Variants in CAPN9 observed in about 807,000 individuals in gnomAD.
The protein encoded by CAPN9 is calpain-9.
CAPN9 carries 81 observed loss-of-function variants against 92.8 expected under a neutral mutation model. The observed-to-expected ratio is 0.87, with a 90% confidence interval of 0.73 to 1.05. The LOEUF (loss-of-function observed/expected upper bound fraction) is 1.05. CAPN9 is among the 50% of genes least tolerant of loss of function. The pLI, the probability that CAPN9 is intolerant of heterozygous loss-of-function variation, is 0.00. For synonymous variants in CAPN9, 304 were observed against 328.0 expected, an observed-to-expected ratio of 0.93 and a Z score of 0.79; for missense variants, 848 against 866.2, an observed-to-expected ratio of 0.98 and a Z score of 0.26.
intron 3 of CAPN9, among the ~76,000 whole-genome samples, chr1:230,760,621 C>T (rs1665570859): frequency 6.6e-6 from 1 of 152,200 alleles, no homozygotes; most frequent in African/African-American, 2.4e-5. Context: ...GGTCAGGCCT[C>T]CTGCGCCGGC....
intron 6 of CAPN9, among the ~76,000 whole-genome samples, chr1:230,770,570 T>C (rs1279037229): frequency 6.6e-6 from 1 of 152,048 alleles, no homozygotes; most frequent in Admixed American, 6.6e-5. Context: ...GTGGAACTGA[T>C]CCTGGGGGAC....
intron 2 of CAPN9, among the ~76,000 whole-genome samples, chr1:230,757,068 A>AAGGAAGGAAGGAAG (rs1572017103): frequency 2.8e-5 from 1 of 35,286 alleles, no homozygotes; most frequent in African/African-American, 6.7e-5. Flanking sequence ...AAGGAAGGAA[A>AAGGAAGGAAGGAAG]GGAGAAAATA....
At chr1:230,772,810 GA>G (rs1666479242) in intron 7 of CAPN9, among the ~76,000 whole-genome samples, 1 of 150,172 alleles carries the variant, frequency 6.7e-6, no homozygotes, top group East Asian at 2.0e-4. Context: ...ATCTATTACA[GA>G]GCTGTTAACC....
chr1:230,788,232 A>G (rs2102919033), intron 13 of CAPN9, among the ~76,000 whole-genome samples: 1 of 152,246 alleles, frequency 6.6e-6, no homozygotes, highest in African/African-American at 2.4e-5. Context: ...CACTGCCATT[A>G]GAATACTCTG....
In CAPN9 at chr1:230,801,743, G is replaced by T; in HGVS notation, c.*147G>T. 1 of 760,616 alleles carries T rather than the reference G, an allele frequency of 1.3e-6. No individual in the cohort carries two copies. Among genetic ancestry groups the T allele is most frequent in the African/African-American group, 1.7e-5 (1 of 58,754 alleles). 47.1% of individuals were successfully genotyped at this position (760,616 alleles called of 1,614,324 possible). On this transcript the variant is annotated 3_prime_UTR_variant, in exon 20 of 20. Transcript: ENST00000271971. ...TTCTCCCTTCATCTTGATCTGGGAA[G>T]AATGAAATGAACTCAGCTACACTCT...
At chr1:230,779,442 G>A (rs899032613) in intron 9 of CAPN9, among the ~76,000 whole-genome samples, 1 of 152,088 alleles carries the variant, frequency 6.6e-6, no homozygotes, top group East Asian at 1.9e-4. Context: ...TGGGCTTCAG[G>A]CACAGTTCTA....
At chr1:230,798,841 T>C (rs1289873065) in intron 19 of CAPN9, among the ~76,000 whole-genome samples, 1 of 152,120 alleles carries the variant, frequency 6.6e-6, no homozygotes, top group Non-Finnish European at 1.5e-5. Flanking sequence ...GCGTTGGAAA[T>C]GCAGAGTGCC....
In CAPN9 at chr1:230,762,742, C is replaced by T; in HGVS notation, c.492C>T (p.Asp164=). The stretch of plus-strand genomic sequence containing the variant: ...GCTTGGTTTTCCTCCACTCTGCCGA[C>T]CACAACGAGTTCTGGAGCGCCTTGC... ...RDRLVFLHSA[D]HNEFWSALLE... is the part of the protein sequence containing the mutation. The change falls in exon 4 of 20, where the codon GAC becomes GAT. Residue 164 remains aspartate (D), a synonymous_variant. Transcript: ENST00000271971. 1 of 1,614,158 alleles carries T rather than the reference C, an allele frequency of 6.2e-7. No homozygotes were observed. The highest frequency in any genetic ancestry group is 8.5e-7 in the Non-Finnish European group (1 of 1,180,014).
chr1:230,791,128 TG>T (rs1045654528), intron 14 of CAPN9, among the ~76,000 whole-genome samples: 1 of 152,156 alleles, frequency 6.6e-6, no homozygotes, highest in African/African-American at 2.4e-5. Flanking sequence ...ATTCATCTAT[TG>T]GTGGCCACGT....
At position 230,787,556 on chromosome 1, in the gene CAPN9, A is replaced by G. The variant is rs1386168995; in HGVS notation, c.1553A>G (p.Glu518Gly). 1 of 1,613,958 alleles carries G rather than the reference A, an allele frequency of 6.2e-7. No homozygotes were observed. The highest frequency in any genetic ancestry group is 1.3e-5 in the African/African-American group (1 of 74,916). Residue 518 changes from glutamate (E) to glycine (G), a missense_variant, in exon 13 of 20, where the codon GAG becomes GGG. Coordinates refer to ENST00000271971, the MANE Select transcript of CAPN9 (RefSeq NM_006615.3). ...PKPTPPDQET[E>G]EEQRFRALFE... ...CCAACTCCACCTGACCAGGAGACAG[A>G]GGAGGAGCAGCGGTTTCGGGCTCTG...
In CAPN9 at chr1:230,774,571, C is replaced by T. The variant is rs761414207; in HGVS notation, c.893C>T (p.Ser298Phe). 6.2e-7 allele frequency: 1 copy of T among 1,613,736 alleles called. No individual in the cohort carries two copies. The highest frequency in any genetic ancestry group is 8.5e-7 in the Non-Finnish European group (1 of 1,179,706). ...ACTCCTAGTTCTCCGGAGTGGCGTT[C>T]TGTTGGTCCAGCTGAGCAGAAGCGT... ...SWSDSSPEWR[S>F]VGPAEQKRLC... Residue 298 changes from serine to phenylalanine, a missense_variant, in exon 8 of 20, where the codon TCT becomes TTT. Transcript: ENST00000271971.
At chr1:230,747,808 C>A in intron 1 of CAPN9, 99 bp downstream of exon 1, 1 of 996,558 alleles carries the variant, frequency 1.0e-6, no homozygotes, top group Non-Finnish European at 1.6e-6. Flanking sequence ...GCCGGCTACG[C>A]TCAGTGCAAC....
chr1:230,800,306 G>GAAA lies in CAPN9; in HGVS notation c.2047-1264_2047-1263insAAA, dbSNP rs1491460442. ...AGAAAGAAAGAAAGAAAGAAAGAAAGGAAAAACAAGAGAGACCCCTAGGTC... is the reference window on the plus strand; with the variant it reads ...AGAAAGAAAGAAAGAAAGAAAGAAAGAAAGAAAAACAAGAGAGACCCCTAGGTC... On this transcript the variant is annotated intron_variant, in intron 19 of 19. Coordinates refer to ENST00000271971, the MANE Select transcript of CAPN9 (RefSeq NM_006615.3). Among the ~76,000 whole-genome samples the GAAA allele has an allele frequency of 7.6e-3, 382 of 50,212 alleles. 12 individuals carry two copies. The highest frequency in any genetic ancestry group is 0.054 in the Middle Eastern group (3 of 56). The allele number at this position is 50,212 out of a possible 152,430, so 32.9% of individuals were successfully genotyped here.
intron 2 of CAPN9, 23 bp from the exon 3 acceptor site, chr1:230,759,489 G>C (rs913528886): frequency 3.5e-5 from 54 of 1,537,454 alleles, no homozygotes; most frequent in Non-Finnish European, 4.6e-5. Flanking sequence ...TGAAAATTGT[G>C]ATTTATGGCT....
chr1:230,749,247 C>T, intron 1 of CAPN9, among the ~76,000 whole-genome samples: 1 of 152,222 alleles, frequency 6.6e-6, no homozygotes, highest in East Asian at 1.9e-4. Flanking sequence ...TGGCCAATTG[C>T]AGTGTGAGGT....
At chr1:230,788,934 C>A (rs1242271352) in intron 13 of CAPN9, among the ~76,000 whole-genome samples, 1 of 152,124 alleles carries the variant, frequency 6.6e-6, no homozygotes, top group Non-Finnish European at 1.5e-5. Flanking sequence ...TATTAACAAC[C>A]AAAAAGTACC....
At chr1:230,798,604 G>T (rs1033588768) in intron 19 of CAPN9, among the ~76,000 whole-genome samples, 2 of 152,088 alleles carry the variant, frequency 1.3e-5, no homozygotes, top group Admixed American at 6.6e-5. Flanking sequence ...ATGTTGTCCC[G>T]TGGTTCCCAT....
Position 230,754,189 on chromosome 1 carries a change from C to T in CAPN9, c.214-1148C>T, listed in dbSNP as rs147126817. 9.9e-3 allele frequency among the ~76,000 whole-genome samples: 1,509 copies of T among 152,198 alleles called. 29 individuals are homozygous for T. The highest frequency in any genetic ancestry group is 0.034 in the African/African-American group (1,393 of 41,518). ...CCCTCCGCGTCCAGGGCAGCTCCAC[C>T]AGGGCAGGGGCTTTCCCTCTCTCTT... On this transcript the variant is annotated intron_variant, in intron 1 of 19. Coordinates refer to ENST00000271971, the MANE Select transcript of CAPN9 (RefSeq NM_006615.3).
chr1:230,750,832 C>A (rs1664714433), intron 1 of CAPN9, among the ~76,000 whole-genome samples: 1 of 152,104 alleles, frequency 6.6e-6, no homozygotes, highest in South Asian at 2.1e-4. Flanking sequence ...GAGGGTGACT[C>A]AGGGAACTGG....
Sources: allele counts gnomAD v4.1 joint callset (sites outside exome capture counted in the v4.1 genomes callset), GRCh38; gene constraint gnomAD v4.1.1; transcripts MANE v1.5; gene names NCBI Gene and HGNC (gene_info 2026-07-23, HGNC 2026-07-21).